ATP2B2: variants seen among roughly 807,000 people sequenced by gnomAD.
ATP2B2 encodes the protein plasma membrane calcium-transporting ATPase 2.
A neutral mutation model predicts 120.0 loss-of-function variants in ATP2B2; 15 were observed. The ratio of observed to expected loss-of-function variants is 0.12; its 90% confidence interval spans 0.08 to 0.19. The LOEUF is 0.19. ATP2B2 is among the 10% of genes least tolerant of loss of function. The pLI is 1.00. For missense variants in ATP2B2, 1,045 were observed against 1,719.8 expected, an observed-to-expected ratio of 0.61 and a Z score of 6.94; for synonymous variants, 694 against 700.3, an observed-to-expected ratio of 0.99 and a Z score of 0.14.
chr3:10,651,919 A>G (rs2070478076), intron 1 of ATP2B2, among the ~76,000 whole-genome samples: 1 of 152,064 alleles, frequency 6.6e-6, no homozygotes, highest in Non-Finnish European at 1.5e-5. Context: ...CCCCTGTTTC[A>G]ATTTGGTGCT....
At chr3:10,486,815 G>A (rs1376177553) in intron 1 of ATP2B2, among the ~76,000 whole-genome samples, 2 of 152,142 alleles carry the variant, frequency 1.3e-5, no homozygotes, top group African/African-American at 2.4e-5. Context: ...CACCTCCTGG[G>A]TTCAAGCAAT....
In ATP2B2 at chr3:10,494,571, T is replaced by C. The variant is rs556711257; in HGVS notation, c.-320+10894A>G. Among the ~76,000 whole-genome samples, 13 of 152,282 alleles carry C rather than the reference T, an allele frequency of 8.5e-5. No homozygotes were observed. The South Asian group carries it at 2.5e-3, about 29-fold the overall frequency. On this transcript the variant is annotated intron_variant, in intron 1 of 22. Transcript: ENST00000360273. Reference sequence around the variant, plus strand: ...CTCCTTGGCAGAAGAAAACTCTCTTTGGGAAGTGCCCTTGGCTGCCCTCTG... The same window carrying C: ...CTCCTTGGCAGAAGAAAACTCTCTTCGGGAAGTGCCCTTGGCTGCCCTCTG...
chr3:10,573,512 TC>T (rs2068174252), intron 2 of ATP2B2, among the ~76,000 whole-genome samples: 1 of 152,190 alleles, frequency 6.6e-6, no homozygotes, highest in Non-Finnish European at 1.5e-5. Flanking sequence ...CAAGAGGGTC[TC>T]AAATTTTGGT....
intron 1 of ATP2B2, among the ~76,000 whole-genome samples, chr3:10,657,704 C>T (rs961001480): frequency 2.0e-4 from 30 of 152,368 alleles, no homozygotes; most frequent in Admixed American, 1.8e-3. Context: ...CAGCAGAAAC[C>T]TCTGCAGACT....
intron 1 of ATP2B2, among the ~76,000 whole-genome samples, chr3:10,629,541 C>T (rs1349113595): frequency 2.0e-5 from 3 of 152,168 alleles, no homozygotes; most frequent in East Asian, 1.9e-4. Flanking sequence ...TCGTCTCAGC[C>T]GATCCTCACC....
At chr3:10,352,655 G>A (rs935183253) in intron 14 of ATP2B2, among the ~76,000 whole-genome samples, 19 of 152,188 alleles carry the variant, frequency 1.2e-4, no homozygotes, top group African/African-American at 4.3e-4. Flanking sequence ...CCCCTGCCTC[G>A]TGCCACAGCG....
chr3:10,341,396 C>T (rs563619932), intron 19 of ATP2B2, among the ~76,000 whole-genome samples: 6 of 152,226 alleles, frequency 3.9e-5, no homozygotes, highest in Middle Eastern at 3.4e-3. Flanking sequence ...CTGCAACACC[C>T]GCCTCCTGGG....
intron 2 of ATP2B2, among the ~76,000 whole-genome samples, chr3:10,436,694 C>G (rs2063490354): frequency 1.3e-5 from 2 of 152,226 alleles, no homozygotes; most frequent in Non-Finnish European, 2.9e-5. Flanking sequence ...AGAGCCCACT[C>G]CTAAGCTGCC....
chr3:10,561,056 C>T (rs915453267), intron 2 of ATP2B2, among the ~76,000 whole-genome samples: 2 of 152,180 alleles, frequency 1.3e-5, no homozygotes, highest in Non-Finnish European at 2.9e-5. Context: ...TAATCAAAAG[C>T]CACTCCCATT....
chr3:10,460,486 G>T (rs562609824), intron 1 of ATP2B2, among the ~76,000 whole-genome samples: 1 of 152,190 alleles, frequency 6.6e-6, no homozygotes, highest in Non-Finnish European at 1.5e-5. Flanking sequence ...GAAGAGTGGG[G>T]TTGGGAAAGC....
At chr3:10,683,988 A>G (rs1411447642) in intron 1 of ATP2B2, among the ~76,000 whole-genome samples, 1 of 151,856 alleles carries the variant, frequency 6.6e-6, no homozygotes, top group Non-Finnish European at 1.5e-5. Flanking sequence ...TGCTCTTTCC[A>G]GAAACCTCAT....
At chr3:10,367,388 C>T (rs1270015454) in intron 12 of ATP2B2, among the ~76,000 whole-genome samples, 1 of 151,932 alleles carries the variant, frequency 6.6e-6, no homozygotes, top group African/African-American at 2.4e-5. Context: ...GTTTTCCTAG[C>T]TGCGAGATGG....
At chr3:10,543,015 T>C (rs2067472203) in intron 2 of ATP2B2, among the ~76,000 whole-genome samples, 2 of 152,236 alleles carry the variant, frequency 1.3e-5, no homozygotes, top group South Asian at 4.1e-4. Context: ...GTTCATTTTG[T>C]TTTCCAGCCT....
chr3:10,378,219 C>G (rs1157827767), intron 10 of ATP2B2, 33 bp downstream of exon 10: 7 of 1,598,850 alleles, frequency 4.4e-6, no homozygotes, highest in Non-Finnish European at 5.9e-6. Flanking sequence ...CCCCTGTGAG[C>G]CCTGTCCCCT....
intron 1 of ATP2B2, among the ~76,000 whole-genome samples, chr3:10,677,978 T>A (rs2071285792): frequency 6.6e-6 from 1 of 152,108 alleles, no homozygotes; most frequent in African/African-American, 2.4e-5. Flanking sequence ...CATTTACAGA[T>A]GAGAAAACTA....
chr3:10,583,427 G>T (rs928763007), intron 2 of ATP2B2, among the ~76,000 whole-genome samples: 1 of 152,180 alleles, frequency 6.6e-6, no homozygotes, highest in African/African-American at 2.4e-5. Context: ...TAAAGGAAAA[G>T]CTGGTTCCTT....
At chr3:10,598,446 T>C (rs2068823471) in intron 2 of ATP2B2, among the ~76,000 whole-genome samples, 2 of 152,232 alleles carry the variant, frequency 1.3e-5, no homozygotes, top group African/African-American at 4.8e-5. Flanking sequence ...TAGCCTAATG[T>C]CACAAGCTTT....
In ATP2B2 at chr3:10,402,025, G is replaced by A; in HGVS notation, c.655+66C>T. The A allele has an allele frequency of 1.9e-6, 3 of 1,604,014 alleles. No homozygotes were observed. The highest frequency in any genetic ancestry group is 1.3e-5 in the African/African-American group (1 of 75,030). On this transcript the variant is annotated intron_variant, in intron 4 of 22. Transcript: ENST00000360273. The surrounding 1 kb of genome is among the most constrained non-coding windows in gnomAD (Gnocchi z 4.9). ...TCCTTGAGCCAATCTCTTTGCATCA[G>A]CCTGGCCTGTCCCACCTCTGCCGGA...
chr3:10,433,278 A>G (rs1040092160), intron 2 of ATP2B2, among the ~76,000 whole-genome samples: 2 of 151,654 alleles, frequency 1.3e-5, no homozygotes, highest in African/African-American at 4.8e-5. Context: ...CCACATGCCT[A>G]TTTTCTCAGG....
Sources: gnomAD v4.1 joint callset for allele counts (sites outside exome capture counted in the v4.1 genomes callset) on GRCh38, gnomAD v4.1.1 for gene constraint, Gnocchi (gnomAD v3.1) non-coding constraint, MANE v1.5 for transcripts, NCBI Gene and HGNC (gene_info 2026-07-23, HGNC 2026-07-21) for gene names.